The following AKNAD1 variants were observed in gnomAD, a reference collection of about 807,000 sequenced individuals.
AKNAD1 encodes the protein AKNA domain containing 1.
A neutral mutation model predicts 90.8 loss-of-function variants in AKNAD1; 67 were observed. The observed-to-expected ratio is 0.74, with a 90% confidence interval of 0.61 to 0.90. AKNAD1 has a LOEUF of 0.90. Among genes scored for constraint, AKNAD1 ranks in the 40% least tolerant of loss-of-function variants. The pLI, the probability that AKNAD1 is intolerant of heterozygous loss-of-function variation, is 0.00. For missense variants in AKNAD1, 957 were observed against 975.4 expected (o/e 0.98, Z 0.25); for synonymous variants, 327 against 341.4 (o/e 0.96, Z 0.46).
chr1:108,840,021 GAA>G (rs5776954), intron 6 of AKNAD1, among the ~76,000 whole-genome samples: 250 of 145,576 alleles, frequency 1.7e-3, no homozygotes, highest in South Asian at 2.2e-3. Flanking sequence ...GACTTTGTCT[GAA>G]AAAAAAAAAA....
intron 6 of AKNAD1, among the ~76,000 whole-genome samples, chr1:108,842,066 A>C (rs145638895): frequency 4.5e-3 from 680 of 152,318 alleles, no homozygotes; most frequent in Non-Finnish European, 8.0e-3. Context: ...AATTTTAAAT[A>C]GCAGAAGCAT....
chr1:108,855,016 A>T (rs1195260514), intron 1 of AKNAD1, among the ~76,000 whole-genome samples: 5 of 152,220 alleles, frequency 3.3e-5, no homozygotes, highest in African/African-American at 1.2e-4. Flanking sequence ...GAAAAAACAA[A>T]ACCAGTCTCA....
At chr1:108,834,836 T>C in intron 8 of AKNAD1, 93 bp downstream of exon 8, 1 of 1,482,776 alleles carries the variant, frequency 6.7e-7, no homozygotes, top group South Asian at 1.4e-5. Context: ...CTGCTTTTCC[T>C]GTGGGAGCCT....
In AKNAD1 at chr1:108,824,597, A is replaced by T. The variant is rs533467689; in HGVS notation, c.1937-909T>A. ...AGCTATGATGGTTGAAAATATGTTT[A>T]CAAATTCTTTAACGTGCTATTTTTA... On this transcript the variant is annotated intron_variant, in intron 11 of 15. Coordinates refer to ENST00000370001, the MANE Select transcript of AKNAD1 (RefSeq NM_152763.5). Among the ~76,000 whole-genome samples, 83 of 151,830 alleles carry T rather than the reference A, an allele frequency of 5.5e-4. 5 individuals carry two copies. The South Asian group carries it at 0.017, about 32-fold the overall frequency.
chr1:108,820,644 T>C lies in AKNAD1; in HGVS notation c.2168-18A>G, dbSNP rs368536172. 1 of 1,525,072 alleles carries C rather than the reference T, an allele frequency of 6.6e-7. No individual in the cohort carries two copies. The highest frequency in any genetic ancestry group is 9.1e-7 in the Non-Finnish European group (1 of 1,104,594). The allele number at this position is 1,525,072 out of a possible 1,614,324, so 94.5% of individuals were successfully genotyped here. Reference sequence around the variant, plus strand: ...TAAAAAAGCTGAAAAATGTTAGCTATCATTAAATTCAGAGTATCAAAAATG... The same window carrying C: ...TAAAAAAGCTGAAAAATGTTAGCTACCATTAAATTCAGAGTATCAAAAATG... On this transcript the variant is annotated intron_variant, in intron 13 of 15. Coordinates refer to ENST00000370001, the MANE Select transcript of AKNAD1 (RefSeq NM_152763.5).
intron 7 of AKNAD1, among the ~76,000 whole-genome samples, chr1:108,835,876 A>G (rs915027234): frequency 6.6e-6 from 1 of 152,098 alleles, no homozygotes; most frequent in Non-Finnish European, 1.5e-5. Flanking sequence ...CGCCTGCCTC[A>G]GCCTCCCAAA....
At chr1:108,839,471 T>TAAAAAAAAAAGAAAAAAAAAAAAAAAA (rs1664472879) in intron 6 of AKNAD1, among the ~76,000 whole-genome samples, 1 of 126,146 alleles carries the variant, frequency 7.9e-6, no homozygotes, top group African/African-American at 3.4e-5. Flanking sequence ...TCCGTCTCAA[T>TAAAAAAAAAAGAAAAAAAAAAAAAAAA]AAAAAAAAAA....
chr1:108,833,723 GT>G (rs34193731), intron 9 of AKNAD1, among the ~76,000 whole-genome samples: 18,338 of 143,618 alleles, frequency 0.13, 1,196 homozygotes, highest in African/African-American at 0.15. Flanking sequence ...TTTTCCCATG[GT>G]TTTTTTTTTT....
intron 9 of AKNAD1, among the ~76,000 whole-genome samples, chr1:108,831,480 T>C (rs762404855): frequency 3.3e-5 from 5 of 152,210 alleles, no homozygotes; most frequent in African/African-American, 4.8e-5. Context: ...GACGGCTCAG[T>C]TTGACCACAC....
chr1:108,832,051 T>C (rs887168837), intron 9 of AKNAD1, among the ~76,000 whole-genome samples: 3 of 152,154 alleles, frequency 2.0e-5, no homozygotes, highest in Non-Finnish European at 4.4e-5. Flanking sequence ...GCTTCCCTTA[T>C]AGTCTCCTTA....
intron 2 of AKNAD1, 50 bp downstream of exon 2, chr1:108,851,622 G>C: frequency 1.3e-6 from 2 of 1,492,284 alleles, no homozygotes; most frequent in Non-Finnish European, 8.9e-7. Flanking sequence ...CACTGAAAGA[G>C]ATAAGCAGTG....
chr1:108,852,657 T>C lies in AKNAD1; in HGVS notation c.8A>G (p.Glu3Gly). The change falls in exon 2 of 16, where the codon GAG (glutamate) becomes GGG (glycine). Residue 3 changes from glutamate to glycine, a missense_variant. Physicochemically the swap from Glu to Gly is moderately conservative, Grantham distance 98. Coordinates refer to ENST00000370001, the MANE Select transcript of AKNAD1 (RefSeq NM_152763.5). MD[E>G]ADFSEHTTYK... ...AGTCGTGTGTTCTGAAAAATCAGCC[T>C]CATCCATGTGTGTGCAGCCCGATCG... 1.9e-6 allele frequency: 3 copies of C among 1,578,648 alleles called. No individual in the cohort carries two copies. The highest frequency in any genetic ancestry group is 2.6e-6 in the Non-Finnish European group (3 of 1,164,266).
Position 108,852,629 on chromosome 1 carries a change from A to G in AKNAD1, c.36T>C (p.Tyr12=), listed in dbSNP as rs1270095897. ...DEADFSEHTT[Y]KQEDLPYDGD... is the part of the protein sequence containing the mutation. ...CATCATAAGGCAAATCCTCCTGCTT[A>G]TAAGTCGTGTGTTCTGAAAAATCAG... The change falls in exon 2 of 16, where the codon TAT becomes TAC. Residue 12 remains tyrosine, a synonymous_variant. Coordinates refer to ENST00000370001, the MANE Select transcript of AKNAD1 (RefSeq NM_152763.5). 6.2e-7 allele frequency: 1 copy of G among 1,600,352 alleles called. No homozygotes were observed. Among genetic ancestry groups the G allele is most frequent in the South Asian group, 1.1e-5 (1 of 89,232 alleles).
intron 2 of AKNAD1, 36 bp downstream of exon 2, chr1:108,851,636 C>A: frequency 6.6e-7 from 1 of 1,517,322 alleles, no homozygotes; most frequent in Non-Finnish European, 8.8e-7. Flanking sequence ...AGCAGTGGTC[C>A]CAATTAATGT....
In AKNAD1 at chr1:108,852,763, C is replaced by T. The variant is rs577504062; in HGVS notation, c.-99G>A. Reference sequence around the variant, plus strand: ...TCTCACTGACTGTCTTCACTGTGTGCTATTCTGTGTGAAATGAGAACAGCC... The same window carrying T: ...TCTCACTGACTGTCTTCACTGTGTGTTATTCTGTGTGAAATGAGAACAGCC... On this transcript the variant is annotated 5_prime_UTR_variant, in exon 2 of 16. An upstream open reading frame in the 5' UTR loses its in-frame stop. Coordinates refer to ENST00000370001, the MANE Select transcript of AKNAD1 (RefSeq NM_152763.5). 4.3e-6 allele frequency: 5 copies of T among 1,152,198 alleles called. No homozygotes were observed. The highest frequency in any genetic ancestry group is 6.0e-6 in the Non-Finnish European group (5 of 834,724). 71.4% of individuals were successfully genotyped at this position (1,152,198 alleles called of 1,614,324 possible). A position where few individuals can be genotyped will look rare whatever the true frequency, so the allele number is the denominator to read the frequency against.
Position 108,852,756 on chromosome 1 carries a change from C to T in AKNAD1, c.-92G>A, listed in dbSNP as rs1264640235. On this transcript the variant is annotated 5_prime_UTR_variant, in exon 2 of 16. The change creates a new upstream start codon in the 5' untranslated region. Coordinates refer to ENST00000370001, the MANE Select transcript of AKNAD1 (RefSeq NM_152763.5). ...CTCTGGTTCTCACTGACTGTCTTCACTGTGTGCTATTCTGTGTGAAATGAG... is the reference window on the plus strand; with the variant it reads ...CTCTGGTTCTCACTGACTGTCTTCATTGTGTGCTATTCTGTGTGAAATGAG... 3.3e-5 allele frequency: 41 copies of T among 1,241,706 alleles called. No homozygotes were observed. In the East Asian group the frequency reaches 8.4e-4, roughly 25 times the overall value. 76.9% of individuals were successfully genotyped at this position (1,241,706 alleles called of 1,614,324 possible).
chr1:108,848,326 T>C (rs1216940084), intron 5 of AKNAD1, among the ~76,000 whole-genome samples: 1 of 152,236 alleles, frequency 6.6e-6, no homozygotes, highest in Non-Finnish European at 1.5e-5. Context: ...AAGGAAAAGA[T>C]TTTGACCTGA....
chr1:108,854,333 G>C (rs1324217179), intron 1 of AKNAD1, among the ~76,000 whole-genome samples: 3 of 152,206 alleles, frequency 2.0e-5, no homozygotes, highest in Admixed American at 6.5e-5. Context: ...AGCCCAGGGT[G>C]ACCACAGCTG....
rs369288229 is a variant in AKNAD1, at chr1:108,819,630, A to G, written c.2249+915T>C. 1.7e-4 allele frequency among the ~76,000 whole-genome samples: 26 copies of G among 151,736 alleles called. No individual in the cohort carries two copies. In the East Asian group the frequency reaches 1.9e-3, roughly 11 times the overall value. ...CTGCCTCAAAAAAAATTTTTTTTTA[A>G]CTTCACTGGGGGGCCAGACACCTGT... is the stretch of plus-strand genomic sequence containing the variant. On this transcript the variant is annotated intron_variant, in intron 14 of 15. Transcript: ENST00000370001.
Sources: allele counts gnomAD v4.1 joint callset (sites outside exome capture counted in the v4.1 genomes callset), GRCh38; gene constraint gnomAD v4.1.1; transcripts MANE v1.5; gene names NCBI Gene and HGNC (gene_info 2026-07-23, HGNC 2026-07-21).